The following HSD17B12 variants were observed in gnomAD, a reference collection of about 807,000 sequenced individuals.
The protein encoded by HSD17B12 is hydroxysteroid 17-beta dehydrogenase 12.
A neutral mutation model predicts 39.3 loss-of-function variants in HSD17B12; 32 were observed. That is an observed-to-expected ratio of 0.81 (90% CI 0.61 to 1.09). The LOEUF (loss-of-function observed/expected upper bound fraction) is 1.09, where lower values mean the gene tolerates loss of function less well. Among genes scored for constraint, HSD17B12 ranks in the 50% least tolerant of loss-of-function variants. HSD17B12 has a pLI of 0.00. For missense variants in HSD17B12, 342 were observed against 382.9 expected (o/e 0.89, Z 0.89); for synonymous variants, 150 against 146.7 (o/e 1.02, Z -0.16).
intron 4 of HSD17B12, among the ~76,000 whole-genome samples, chr11:43,800,461 T>C (rs1461701329): frequency 6.6e-6 from 1 of 152,174 alleles, no homozygotes; most frequent in African/African-American, 2.4e-5. Flanking sequence ...GACTATGGCA[T>C]TGGCATTGGA....
the HSD17B12 span, among the ~76,000 whole-genome samples, chr11:43,604,560 C>CA: frequency 0.017 from 2,535 of 152,172 alleles, 67 homozygotes; most frequent in African/African-American, 0.058. Flanking sequence ...ATAATGATGT[C>CA]AAAAACTGAA....
chr11:43,690,361 CATATATATATATAT>C lies in HSD17B12; in HGVS notation c.160+9405_160+9418del, dbSNP rs61646858. On this transcript the variant is annotated intron_variant, in intron 1 of 10. Coordinates refer to ENST00000278353, the MANE Select transcript of HSD17B12 (RefSeq NM_016142.3). Reference sequence around the variant, plus strand: ...ATATCTGTTAAGTAAGGTATTCATACATATATATATATATATATATATATATATATATATATATA... The same window carrying C: ...ATATCTGTTAAGTAAGGTATTCATACATATATATATATATATATATATATA... Among the ~76,000 whole-genome samples, 255 of 39,244 alleles carry C rather than the reference CATATATATATATAT, an allele frequency of 6.5e-3. 13 individuals carry two copies. The highest frequency in any genetic ancestry group is 0.036 in the Middle Eastern group (2 of 56). 25.7% of individuals were successfully genotyped at this position (39,244 alleles called of 152,430 possible). A position where few individuals can be genotyped will look rare whatever the true frequency, so the allele number is the denominator to read the frequency against.
chr11:43,617,375 T>G, the HSD17B12 span, among the ~76,000 whole-genome samples: 1 of 152,038 alleles, frequency 6.6e-6, no homozygotes, highest in African/African-American at 2.4e-5. Context: ...GCTTCTGACT[T>G]TGGGATGGTA....
intron 9 of HSD17B12, among the ~76,000 whole-genome samples, chr11:43,843,947 T>C (rs60169035): frequency 0.015 from 2,293 of 152,292 alleles, 68 homozygotes; most frequent in African/African-American, 0.051. Context: ...GACCCACCTT[T>C]TCCATGGCAT....
At chr11:43,765,445 C>T (rs1011101361) in intron 3 of HSD17B12, among the ~76,000 whole-genome samples, 2 of 151,024 alleles carry the variant, frequency 1.3e-5, no homozygotes, top group African/African-American at 2.4e-5. Context: ...TTTCTGGTTA[C>T]TTCTAAGATT....
the HSD17B12 span, among the ~76,000 whole-genome samples, chr11:43,588,239 T>G: frequency 6.6e-6 from 1 of 152,182 alleles, no homozygotes; most frequent in Non-Finnish European, 1.5e-5. Context: ...GATGCTCTTA[T>G]TTAGCACTCC....
At chr11:43,657,500 T>C in the HSD17B12 span, among the ~76,000 whole-genome samples, 1 of 152,238 alleles carries the variant, frequency 6.6e-6, no homozygotes, top group African/African-American at 2.4e-5. Flanking sequence ...CTAGCCTTGA[T>C]GGTCTTTACA....
intron 1 of HSD17B12, 21 bp downstream of exon 1, chr11:43,681,008 C>A: frequency 6.4e-7 from 1 of 1,567,322 alleles, no homozygotes; most frequent in South Asian, 1.2e-5. Context: ...TGCAGCGCCG[C>A]GTCCTCGCTC....
intron 1 of HSD17B12, among the ~76,000 whole-genome samples, chr11:43,733,255 T>C (rs191414128): frequency 1.3e-4 from 20 of 152,354 alleles, no homozygotes; most frequent in Admixed American, 1.2e-3. Flanking sequence ...GTTTATGTTG[T>C]GGCGATCAGA....
chr11:43,848,210 C>T (rs564006219), intron 9 of HSD17B12, among the ~76,000 whole-genome samples: 5 of 152,260 alleles, frequency 3.3e-5, no homozygotes, highest in African/African-American at 1.2e-4. Context: ...GCCAACTATA[C>T]CAATTTTGAA....
chr11:43,656,823 A>G, the HSD17B12 span, among the ~76,000 whole-genome samples: 47 of 152,086 alleles, frequency 3.1e-4, no homozygotes, highest in African/African-American at 1.1e-3. Context: ...ACTTCCAACT[A>G]TGTGGTCAAT....
At chr11:43,724,047 A>C (rs191126184) in intron 1 of HSD17B12, 1 of 152,106 alleles carries the variant, frequency 6.6e-6, no homozygotes, top group Non-Finnish European at 1.5e-5. Context: ...TCATTCATCT[A>C]TCTGCATCTG....
intron 3 of HSD17B12, among the ~76,000 whole-genome samples, chr11:43,788,256 A>T (rs945250905): frequency 2.6e-5 from 4 of 152,176 alleles, no homozygotes; most frequent in African/African-American, 9.7e-5. Context: ...GAGAGAAGTA[A>T]CTTACCTCAA....
At chr11:43,700,877 T>C (rs1352658812) in intron 1 of HSD17B12, among the ~76,000 whole-genome samples, 6 of 152,238 alleles carry the variant, frequency 3.9e-5, no homozygotes, top group South Asian at 4.1e-4. Context: ...GATCAAATGG[T>C]AGCTCAATTT....
At chr11:43,601,491 G>T in the HSD17B12 span, among the ~76,000 whole-genome samples, 1 of 133,208 alleles carries the variant, frequency 7.5e-6, no homozygotes, top group African/African-American at 2.7e-5. Context: ...GGGGTCTACA[G>T]TTAAAGAGCT....
chr11:43,675,374 T>G, the HSD17B12 span, among the ~76,000 whole-genome samples: 1 of 151,414 alleles, frequency 6.6e-6, no homozygotes, highest in Non-Finnish European at 1.5e-5. Context: ...TAGTAAGAGG[T>G]TCCAGGCAGA....
intron 3 of HSD17B12, among the ~76,000 whole-genome samples, chr11:43,779,094 C>G (rs1421730390): frequency 1.3e-5 from 2 of 152,064 alleles, no homozygotes; most frequent in Non-Finnish European, 2.9e-5. Context: ...AATATTTTGA[C>G]CTTCAAAATT....
At chr11:43,702,486 A>T (rs1013161164) in intron 1 of HSD17B12, among the ~76,000 whole-genome samples, 22 of 152,338 alleles carry the variant, frequency 1.4e-4, no homozygotes, top group African/African-American at 5.1e-4. Flanking sequence ...TGTTCCTGCT[A>T]TACCCAGTTT....
intron 3 of HSD17B12, among the ~76,000 whole-genome samples, chr11:43,771,988 A>C (rs1259424152): frequency 6.6e-6 from 1 of 151,860 alleles, no homozygotes; most frequent in Non-Finnish European, 1.5e-5. Flanking sequence ...ATTTTCATTT[A>C]TTTTGGTAGT....
Sources: gnomAD v4.1 joint callset for allele counts (sites outside exome capture counted in the v4.1 genomes callset) on GRCh38, gnomAD v4.1.1 for gene constraint, MANE v1.5 for transcripts, NCBI Gene and HGNC (gene_info 2026-07-23, HGNC 2026-07-21) for gene names.